CMIP: variants seen among roughly 807,000 people sequenced by gnomAD.
CMIP encodes the protein c-Maf inducing protein, also known as C-Maf-inducing protein.
In CMIP, 13 loss-of-function variants were observed where a neutral mutation model predicts 97.3. The ratio of observed to expected loss-of-function variants is 0.13; its 90% CI spans 0.09 to 0.21. CMIP has a LOEUF of 0.21. Among genes scored for constraint, CMIP ranks in the 10% least tolerant of loss-of-function variants. The pLI, the probability that CMIP is intolerant of heterozygous loss-of-function variation, is 1.00. For missense variants in CMIP, 847 were observed against 1,024.9 expected, an observed-to-expected ratio of 0.83 and a Z score of 2.37; for synonymous variants, 538 against 436.3, an observed-to-expected ratio of 1.23 and a Z score of -2.91.
At position 81,694,656 on chromosome 16, in the gene CMIP, C is replaced by T. The variant is rs143310446; in HGVS notation, c.1530+1169C>T. Reference sequence around the variant, plus strand: ...TTGTTCAAAAGGCAGACCCCCCTGCCGCCGCATCCCTTCCCGGTTCCAGCT... The same window carrying T: ...TTGTTCAAAAGGCAGACCCCCCTGCTGCCGCATCCCTTCCCGGTTCCAGCT... On this transcript the variant is annotated intron_variant, in intron 13 of 20. Coordinates refer to ENST00000537098, the MANE Select transcript of CMIP (RefSeq NM_198390.3). Among the ~76,000 whole-genome samples the T allele has an allele frequency of 1.6e-4, 25 of 152,294 alleles. No homozygotes were observed. In the East Asian group the frequency reaches 2.5e-3, roughly 15 times the overall value.
intron 1 of CMIP, among the ~76,000 whole-genome samples, chr16:81,547,683 G>C (rs1030673996): frequency 1.3e-5 from 2 of 152,160 alleles, no homozygotes; most frequent in African/African-American, 4.8e-5. Context: ...TTGAGTGTCC[G>C]TTAGTTCAGT....
intron 1 of CMIP, among the ~76,000 whole-genome samples, chr16:81,470,992 A>G (rs1432579639): frequency 1.3e-5 from 2 of 151,914 alleles, no homozygotes; most frequent in Non-Finnish European, 2.9e-5. Context: ...ACGTGCATAC[A>G]CACATGCACA....
At chr16:81,630,074 T>G (rs2092133354) in intron 3 of CMIP, 1 of 152,242 alleles carries the variant, frequency 6.6e-6, no homozygotes, top group Admixed American at 6.5e-5. Flanking sequence ...CCTGATCCAC[T>G]TCCTGCTGGC....
intron 8 of CMIP, 76 bp downstream of exon 8, chr16:81,670,321 C>CG (rs1471910533): frequency 6.9e-7 from 1 of 1,446,712 alleles, no homozygotes; most frequent in Non-Finnish European, 9.5e-7. Flanking sequence ...CAGATATCCA[C>CG]GGGGGGCTGT....
intron 1 of CMIP, among the ~76,000 whole-genome samples, chr16:81,531,067 C>T (rs2090225309): frequency 6.6e-6 from 1 of 152,150 alleles, no homozygotes; most frequent in Non-Finnish European, 1.5e-5. Flanking sequence ...GTGAGCATGA[C>T]CTTCTTTGGA....
chr16:81,583,557 G>A (rs527919483), intron 1 of CMIP, among the ~76,000 whole-genome samples: 7 of 152,268 alleles, frequency 4.6e-5, no homozygotes, highest in East Asian at 1.9e-4. Context: ...AGTTTCTCAC[G>A]GCCGGGTCAC....
intron 1 of CMIP, among the ~76,000 whole-genome samples, chr16:81,536,398 T>G (rs563515687): frequency 1.3e-4 from 20 of 152,270 alleles, no homozygotes; most frequent in Middle Eastern, 3.4e-3. Context: ...CACCTGTCAT[T>G]AACTCGGGGG....
At position 81,627,929 on chromosome 16, in the gene CMIP, C is replaced by T. The variant is rs1291858154; in HGVS notation, c.477+7003C>T. Reference sequence around the variant, plus strand: ...TGGGGCTCAGAGAGGGGAAGCCCACCTGACGGGAAGCTGAGGGCAGGGCCT... The same window carrying T: ...TGGGGCTCAGAGAGGGGAAGCCCACTTGACGGGAAGCTGAGGGCAGGGCCT... On this transcript the variant is annotated intron_variant, in intron 3 of 20. Coordinates refer to ENST00000537098, the MANE Select transcript of CMIP (RefSeq NM_198390.3). This position sits in a 1 kb window ranked among gnomAD's most constrained non-coding sequence, Gnocchi z 4.6. 6.6e-6 allele frequency among the ~76,000 whole-genome samples: 1 copy of T among 152,174 alleles called. No homozygotes were observed. Among genetic ancestry groups the T allele is most frequent in the Non-Finnish European group, 1.5e-5 (1 of 68,020 alleles).
intron 1 of CMIP, among the ~76,000 whole-genome samples, chr16:81,557,835 A>C (rs1438273484): frequency 6.6e-6 from 1 of 152,192 alleles, no homozygotes; most frequent in Non-Finnish European, 1.5e-5. Flanking sequence ...TTTTTAACAT[A>C]CAGTTCGGTG....
At chr16:81,612,490 G>C (rs16955659) in intron 2 of CMIP, among the ~76,000 whole-genome samples, 6,270 of 152,272 alleles carry the variant, frequency 0.041, 290 homozygotes, top group East Asian at 0.21. Context: ...GGTCTGGAAA[G>C]CACCAGAAAG....
chr16:81,511,604 A>G (rs1341011121), intron 1 of CMIP, among the ~76,000 whole-genome samples: 1 of 152,226 alleles, frequency 6.6e-6, no homozygotes, highest in Admixed American at 6.5e-5. Flanking sequence ...TCTGTTGCTC[A>G]GGCTGGAGTA....
chr16:81,455,956 C>G (rs1324752998), intron 1 of CMIP, among the ~76,000 whole-genome samples: 2 of 152,228 alleles, frequency 1.3e-5, no homozygotes, highest in African/African-American at 4.8e-5. Flanking sequence ...GAGTGGCACT[C>G]TGCCTCTTGT....
At chr16:81,709,250 G>C (rs1053914018) in intron 20 of CMIP, among the ~76,000 whole-genome samples, 1 of 152,118 alleles carries the variant, frequency 6.6e-6, no homozygotes, top group African/African-American at 2.4e-5. Flanking sequence ...CTCTGATAAC[G>C]ATGAGAATAT....
At chr16:81,702,590 A>C in intron 16 of CMIP, 32 bp from the exon 17 acceptor site, 1 of 1,607,884 alleles carries the variant, frequency 6.2e-7, no homozygotes, top group Admixed American at 1.7e-5. Flanking sequence ...TGGGGAAAAG[A>C]ATGGTTGTAA....
At chr16:81,467,699 A>C (rs1362293513) in intron 1 of CMIP, among the ~76,000 whole-genome samples, 2 of 147,818 alleles carry the variant, frequency 1.4e-5, no homozygotes, top group East Asian at 2.0e-4. Flanking sequence ...TCTTGCCTCT[A>C]CCTCTCGAGT....
intron 1 of CMIP, among the ~76,000 whole-genome samples, chr16:81,571,193 G>A (rs1281470501): frequency 2.6e-5 from 4 of 152,112 alleles, no homozygotes; most frequent in Non-Finnish European, 5.9e-5. Flanking sequence ...AAAGACAGGC[G>A]GGTGCAGTGA....
chr16:81,525,626 T>C lies in CMIP; in HGVS notation c.300+80085T>C, dbSNP rs143428900. The stretch of plus-strand genomic sequence containing the variant: ...TCAAGTAGCTGGGAGTACAGATGTG[T>C]GCCACTGGCCTAGCCAATCATTTTT... On this transcript the variant is annotated intron_variant, in intron 1 of 20. Coordinates refer to ENST00000537098, the MANE Select transcript of CMIP (RefSeq NM_198390.3). Among the ~76,000 whole-genome samples, 574 of 152,352 alleles carry C rather than the reference T, an allele frequency of 3.8e-3. 5 individuals carry two copies. Among genetic ancestry groups the C allele is most frequent in the African/African-American group, 0.013 (545 of 41,578 alleles).
rs1405759659 is a variant in CMIP, at chr16:81,616,039, A to G, written c.427-4837A>G. On this transcript the variant is annotated intron_variant, in intron 2 of 20. Coordinates refer to ENST00000537098, the MANE Select transcript of CMIP (RefSeq NM_198390.3). This position sits in a 1 kb window ranked among gnomAD's most constrained non-coding sequence, Gnocchi z 4.7. The stretch of plus-strand genomic sequence containing the variant: ...AGGAGCCGGGCGCGGTGGGTGGGAG[A>G]TCTTGGCTGTCTCTGCCTCCCTGGA... Among the ~76,000 whole-genome samples the G allele has an allele frequency of 2.6e-5, 4 of 151,334 alleles. No individual in the cohort carries two copies. The East Asian group carries it at 7.8e-4, about 29-fold the overall frequency.
intron 1 of CMIP, among the ~76,000 whole-genome samples, chr16:81,552,340 T>C (rs905979699): frequency 6.6e-6 from 1 of 152,184 alleles, no homozygotes; most frequent in Non-Finnish European, 1.5e-5. Flanking sequence ...TGTGACATGT[T>C]CCTTCAAACC....
Sources: allele counts gnomAD v4.1 joint callset (sites outside exome capture counted in the v4.1 genomes callset), GRCh38; gene constraint gnomAD v4.1.1; non-coding constraint Gnocchi (gnomAD v3.1); transcripts MANE v1.5; gene names NCBI Gene and HGNC (gene_info 2026-07-23, HGNC 2026-07-21).